Variants in MPP7 observed in about 807,000 individuals in gnomAD.
The protein encoded by MPP7 is MAGUK p55 scaffold protein 7, also known as MAGUK p55 subfamily member 7.
A neutral mutation model predicts 76.5 loss-of-function variants in MPP7; 60 were observed. That is an observed-to-expected ratio of 0.78 (90% CI 0.64 to 0.97). The LOEUF (loss-of-function observed/expected upper bound fraction) is 0.97. Ranked by LOEUF, MPP7 falls within the 50% of genes least tolerant of loss-of-function variation. The probability of loss-of-function intolerance (pLI) is 0.00; values close to 1 mark genes in which losing one functional copy is unlikely to be tolerated. For missense variants in MPP7, 641 were observed against 694.0 expected (o/e 0.92, Z 0.86); for synonymous variants, 237 against 244.5 (o/e 0.97, Z 0.29).
At chr10:28,293,288 C>A (rs992772562) in intron 1 of MPP7, among the ~76,000 whole-genome samples, 1 of 152,188 alleles carries the variant, frequency 6.6e-6, no homozygotes, top group African/African-American at 2.4e-5. Context: ...GAAAAACACA[C>A]ACAGTATACG....
intron 2 of MPP7, among the ~76,000 whole-genome samples, chr10:28,314,447 G>T (rs1841307636): frequency 6.6e-6 from 1 of 152,220 alleles, no homozygotes; most frequent in African/African-American, 2.4e-5. Context: ...TAGGATTAAT[G>T]GCACCGCCTC....
chr10:28,117,687 CT>C (rs1834702358), intron 11 of MPP7, among the ~76,000 whole-genome samples: 1 of 152,000 alleles, frequency 6.6e-6, no homozygotes. Flanking sequence ...TTATGCATAA[CT>C]TTTAACTTTA....
intron 1 of MPP7, among the ~76,000 whole-genome samples, chr10:28,256,327 GAAAAAAA>G (rs200425685): frequency 0.011 from 1,076 of 99,958 alleles, 17 homozygotes; most frequent in African/African-American, 0.035. Context: ...TGCTTTCAGG[GAAAAAAA>G]AAAAAAAAAA....
At chr10:28,323,408 G>T (rs1468298788) in intron 2 of MPP7, among the ~76,000 whole-genome samples, 1 of 151,532 alleles carries the variant, frequency 6.6e-6, no homozygotes, top group Non-Finnish European at 1.5e-5. Flanking sequence ...AGCTAAGATC[G>T]CACCACTGTA....
At chr10:28,208,079 A>AT (rs1426857554) in intron 2 of MPP7, among the ~76,000 whole-genome samples, 4 of 152,020 alleles carry the variant, frequency 2.6e-5, no homozygotes, top group South Asian at 2.1e-4. Flanking sequence ...ACTGAAGGAG[A>AT]TTTTTTCCTG....
chr10:28,199,977 C>T (rs1837716900), intron 3 of MPP7, among the ~76,000 whole-genome samples: 1 of 152,030 alleles, frequency 6.6e-6, no homozygotes, highest in South Asian at 2.1e-4. Flanking sequence ...CAGTTCTAAA[C>T]CACATTCTAA....
At chr10:28,213,112 A>C (rs569827151) in intron 2 of MPP7, among the ~76,000 whole-genome samples, 1 of 152,004 alleles carries the variant, frequency 6.6e-6, no homozygotes, top group South Asian at 2.1e-4. Flanking sequence ...ACTAATTTTT[A>C]ATTTTTTTTG....
At chr10:28,209,213 C>T (rs10763650) in intron 2 of MPP7, among the ~76,000 whole-genome samples, 26,651 of 152,040 alleles carry the variant, frequency 0.18, 2,972 homozygotes, top group East Asian at 0.56. Flanking sequence ...ATGCAAAGAA[C>T]GACCCAACAC....
chr10:28,143,584 T>TCACTCTTTCACCCAGGCTA (rs1835599557), intron 5 of MPP7, among the ~76,000 whole-genome samples: 47 of 151,766 alleles, frequency 3.1e-4, no homozygotes, highest in Non-Finnish European at 4.9e-4. Flanking sequence ...TTCCTATCTT[T>TCACTCTTTCACCCAGGCTA]GTGGATCAAA....
intron 1 of MPP7, among the ~76,000 whole-genome samples, chr10:28,269,844 A>G (rs79927721): frequency 0.01 from 1,578 of 152,330 alleles, 28 homozygotes; most frequent in East Asian, 0.071. Context: ...TTCAAAGTAC[A>G]TAAGATTAGA....
At chr10:28,124,557 C>A (rs1199438383) in intron 7 of MPP7, among the ~76,000 whole-genome samples, 2 of 136,530 alleles carry the variant, frequency 1.5e-5, no homozygotes, top group African/African-American at 5.5e-5. Flanking sequence ...CTCACCGCAA[C>A]CTCCGCCTCC....
intron 3 of MPP7, among the ~76,000 whole-genome samples, chr10:28,154,051 A>G (rs1835968772): frequency 6.6e-6 from 1 of 152,154 alleles, no homozygotes; most frequent in Admixed American, 6.5e-5. Context: ...TTTCAGAAAC[A>G]TGTATTTATT....
intron 1 of MPP7, among the ~76,000 whole-genome samples, chr10:28,248,861 G>T (rs1839521830): frequency 1.3e-5 from 2 of 152,128 alleles, no homozygotes; most frequent in Non-Finnish European, 2.9e-5. Flanking sequence ...TCTGCCATTT[G>T]GGTTTGCCTA....
At chr10:28,311,732 A>T (rs114543073) in intron 2 of MPP7, among the ~76,000 whole-genome samples, 1,672 of 150,508 alleles carry the variant, frequency 0.011, 41 homozygotes, top group African/African-American at 0.04. Context: ...AAATTAAAAA[A>T]TTAAATAGAA....
intron 2 of MPP7, 72 bp downstream of exon 2, chr10:28,238,496 C>CA (rs56069980): frequency 0.14 from 206,249 of 1,501,236 alleles, 15,416 homozygotes; most frequent in African/African-American, 0.26. Flanking sequence ...TTGCTTAAAG[C>CA]ATGCTGTATT....
chr10:28,218,217 C>T (rs1469310909), intron 2 of MPP7, among the ~76,000 whole-genome samples: 1 of 152,130 alleles, frequency 6.6e-6, no homozygotes, highest in South Asian at 2.1e-4. Flanking sequence ...TAAATAAAAT[C>T]GGACGCTGGA....
chr10:28,057,980 G>C, intron 15 of MPP7: 2 of 733,606 alleles, frequency 2.7e-6, no homozygotes, highest in Non-Finnish European at 3.7e-6. Context: ...AGGATGACAG[G>C]TGCAGACATG....
chr10:28,248,342 TC>T (rs1839504310), intron 1 of MPP7, among the ~76,000 whole-genome samples: 1 of 152,096 alleles, frequency 6.6e-6, no homozygotes, highest in Non-Finnish European at 1.5e-5. Context: ...GTCAGCCACT[TC>T]CTATTCATAC....
chr10:28,209,354 A>G lies in MPP7; in HGVS notation c.38-7083T>C, dbSNP rs1023537795. 3.9e-5 allele frequency among the ~76,000 whole-genome samples: 6 copies of G among 152,088 alleles called. No individual in the cohort carries two copies. The South Asian group carries it at 1.0e-3, about 26-fold the overall frequency. On this transcript the variant is annotated intron_variant, in intron 2 of 16. Coordinates refer to ENST00000683449, the MANE Select transcript of MPP7 (RefSeq NM_001318170.2). ...TAGTGGTGTGCACCTCTATAGCACC[A>G]GCTACTTGGGAGGCTGAGGAGGGAG... is the stretch of plus-strand genomic sequence containing the variant.
Sources: allele counts gnomAD v4.1 joint callset (sites outside exome capture counted in the v4.1 genomes callset), GRCh38; gene constraint gnomAD v4.1.1; transcripts MANE v1.5; gene names NCBI Gene and HGNC (gene_info 2026-07-23, HGNC 2026-07-21).